The following GNAS variants were observed in gnomAD, a reference collection of about 807,000 sequenced individuals.
GNAS encodes the protein GNAS complex locus.
In GNAS, 8 loss-of-function variants were observed where a neutral mutation model predicts 54.5. That is an observed-to-expected ratio of 0.15 (90% confidence interval 0.09 to 0.26). The LOEUF (loss-of-function observed/expected upper bound fraction) is 0.26. Among genes scored for constraint, GNAS ranks in the 10% least tolerant of loss-of-function variants. The pLI, the probability that GNAS is intolerant of heterozygous loss-of-function variation, is 1.00. For synonymous variants in GNAS, 204 were observed against 191.4 expected (o/e 1.07, Z -0.54); for missense variants, 170 against 529.8 (o/e 0.32, Z 6.67).
chr20:58,855,591 C>A (rs951913326), intron 1 of GNAS: 4 of 717,554 alleles, frequency 5.6e-6, no homozygotes, highest in Admixed American at 2.0e-5. Context: ...AGGGTCGTTT[C>A]CGGCTGGACA....
chr20:58,891,925 GCCGCGCGCGCCGAGCCCGCCCCCCGCC>G, intron 1 of GNAS, 60 bp downstream of exon 1: 6 of 934,354 alleles, frequency 6.4e-6, no homozygotes, highest in Non-Finnish European at 7.6e-6. Context: ...CGCCCCGCAG[GCCGCGCGCGCCGAGCCCGCCCCCCGCC>G]CCGGGCGCGC....
At position 58,891,845 on chromosome 20, in the gene GNAS, C is replaced by A; in HGVS notation, c.119C>A (p.Thr40Lys). 8.1e-7 allele frequency: 1 copy of A among 1,239,156 alleles called. No individual in the cohort carries two copies. The highest frequency in any genetic ancestry group is 1.1e-6 in the Non-Finnish European group (1 of 951,172). 76.8% of individuals were successfully genotyped at this position (1,239,156 alleles called of 1,614,324 possible). Residue 40 changes from threonine (T) to lysine (K), a missense_variant, in exon 1 of 13, where the codon ACG (threonine) becomes AAG (lysine). Around this residue, in one of 3 missense-constraint regions of GNAS, gnomAD observed 56 missense variants for 55.7 expected, o/e 1.01. Transcript: ENST00000371085. ...AAGGACAAGCAGGTCTACCGGGCCA[C>A]GCACCGCCTGCTGCTGCTGGGTAAG... The part of the protein sequence containing the change: ...LQKDKQVYRA[T>K]HRLLLLGAGE...
At chr20:58,840,443 A>G, upstream of GNAS, 1 of 1,613,270 alleles carries the variant, frequency 6.2e-7, no homozygotes, top group Non-Finnish European at 8.5e-7. The surrounding 1 kb of genome is among the most constrained non-coding windows in gnomAD (Gnocchi z 6.0). Flanking sequence ...CGAGACCGAG[A>G]GCGAGACCGA....
intron 1 of GNAS, among the ~76,000 whole-genome samples, chr20:58,894,813 C>T (rs563214459): frequency 5.3e-5 from 8 of 152,248 alleles, no homozygotes; most frequent in Admixed American, 4.6e-4. Flanking sequence ...TTACTTTTTA[C>T]TGTTGTTTTT....
In GNAS at chr20:58,899,493, C is replaced by G. The variant is rs770315181; in HGVS notation, c.257+508C>G. ...CTTGCAGCAGGTCGTTAAGAATCAT[C>G]TCGAAAAGCCTCTGGCCTTTTAAAA... On this transcript the variant is annotated intron_variant, in intron 3 of 12. Coordinates refer to ENST00000371085, the MANE Select transcript of GNAS (RefSeq NM_000516.7). 6 of 541,518 alleles carry G rather than the reference C, an allele frequency of 1.1e-5. No individual in the cohort carries two copies. The East Asian group carries it at 3.0e-4, about 27-fold the overall frequency. The allele number at this position is 541,518 out of a possible 1,614,324, so 33.5% of individuals were successfully genotyped here.
intron 1 of GNAS, among the ~76,000 whole-genome samples, chr20:58,862,978 A>AAAG (rs2086859180): frequency 1.3e-5 from 2 of 151,772 alleles, no homozygotes; most frequent in Non-Finnish European, 2.9e-5. Flanking sequence ...AAAAAAAAAA[A>AAAG]GAAAGAAAGA....
intron 1 of GNAS, chr20:58,855,654 G>A: frequency 1.4e-6 from 1 of 704,570 alleles, no homozygotes. Flanking sequence ...GGTGAGCCAG[G>A]AACTGCCGGG....
intron 1 of GNAS, among the ~76,000 whole-genome samples, chr20:58,852,115 C>T (rs1026515726): frequency 1.3e-5 from 2 of 152,060 alleles, no homozygotes; most frequent in African/African-American, 4.8e-5. Context: ...CTCTTGGTGC[C>T]GCCGCAGCTA....
intron 1 of GNAS, among the ~76,000 whole-genome samples, chr20:58,849,715 G>C (rs1438968567): frequency 6.6e-6 from 1 of 152,160 alleles, no homozygotes; most frequent in Non-Finnish European, 1.5e-5. Context: ...CATAAGAGCT[G>C]CTCCAGGAGG....
In GNAS at chr20:58,909,293, A is replaced by G. The variant is rs2146267368; in HGVS notation, c.586-57A>G. 1 of 1,587,130 alleles carries G rather than the reference A, an allele frequency of 6.3e-7. No individual in the cohort carries two copies. The highest frequency in any genetic ancestry group is 8.7e-7 in the Non-Finnish European group (1 of 1,155,464). On this transcript the variant is annotated intron_variant, in intron 7 of 12. Coordinates refer to ENST00000371085, the MANE Select transcript of GNAS (RefSeq NM_000516.7). The surrounding 1 kb of genome is among the most constrained non-coding windows in gnomAD (Gnocchi z 7.3). Reference sequence around the variant, plus strand: ...CTCCAGACCTTTGCTTTAGATTGGCAATTATTACTGTTTCGGTTGGCTTTG... The same window carrying G: ...CTCCAGACCTTTGCTTTAGATTGGCGATTATTACTGTTTCGGTTGGCTTTG...
In GNAS at chr20:58,907,634, TG is replaced by T. The variant is rs199863056; in HGVS notation, c.531-1524del. On this transcript the variant is annotated intron_variant, in intron 6 of 12. Transcript: ENST00000371085. The stretch of plus-strand genomic sequence containing the variant: ...CTCTCTCAAATCATTTAGAAGTTTT[TG>T]GGGTTTTTTTAAGCAACACTTAATT... 7.4e-3 allele frequency among the ~76,000 whole-genome samples: 1,128 copies of T among 152,356 alleles called. 11 individuals carry two copies. Among genetic ancestry groups the T allele is most frequent in the Middle Eastern group, 0.034 (10 of 294 alleles).
Position 58,853,319 on chromosome 20 carries a change from C to A in GNAS, c.43+12433C>A. The A allele has an allele frequency of 6.5e-7, 1 of 1,549,432 alleles. No homozygotes were observed. Among genetic ancestry groups the A allele is most frequent in the Non-Finnish European group, 8.7e-7 (1 of 1,145,864 alleles). On this transcript the variant is annotated intron_variant, in intron 1 of 12. Transcript: ENST00000306090. This position sits in a 1 kb window ranked among gnomAD's most constrained non-coding sequence, Gnocchi z 4.4. ...ATAATATGTCAGGACAACGCGATAT[C>A]CCCCCTGAAATCGGGGAACAGCCCG...
At position 58,877,804 on chromosome 20, in the gene GNAS, C is replaced by T. The variant is rs1600852284; in HGVS notation, c.44-17808C>T. Among the ~76,000 whole-genome samples the T allele has an allele frequency of 2.6e-5, 4 of 152,358 alleles. No homozygotes were observed. In the South Asian group the frequency reaches 8.3e-4, roughly 32 times the overall value. ...GCTCTGATTGGAGGCATGGGGTCCA[C>T]AGGAGGCACCTATTGTGTTGCCACA... On this transcript the variant is annotated intron_variant, in intron 1 of 12. Coordinates refer to the GNAS transcript ENST00000306090.
chr20:58,900,030 G>C, intron 3 of GNAS: 3 of 712,418 alleles, frequency 4.2e-6, no homozygotes, highest in Non-Finnish European at 7.8e-6. Flanking sequence ...GGAATTGCTC[G>C]GTCTTAGGAA....
upstream of GNAS, chr20:58,839,972 G>T: frequency 1.1e-6 from 1 of 889,638 alleles, no homozygotes; most frequent in Non-Finnish European, 1.8e-6. Flanking sequence ...CTCACAAGGA[G>T]GTGAGGCTGG....
chr20:58,870,910 C>T (rs2087399311), intron 1 of GNAS, among the ~76,000 whole-genome samples: 1 of 152,194 alleles, frequency 6.6e-6, no homozygotes, highest in South Asian at 2.1e-4. Flanking sequence ...GAAATCCCCC[C>T]AGCCTACCCT....
chr20:58,895,801 C>T (rs2089990419), intron 2 of GNAS, 117 bp downstream of exon 2: 2 of 725,974 alleles, frequency 2.8e-6, no homozygotes, highest in South Asian at 1.5e-5. Flanking sequence ...TTAATTTTTC[C>T]TGATTTACAT....
In GNAS at chr20:58,908,324, CT is replaced by C. The variant is rs900647852; in HGVS notation, c.531-831del. ...CTAGTCAAGCAACACAAACAAGATG[CT>C]TTTTTTAATGAAAAGCGTAATATCT... is the stretch of plus-strand genomic sequence containing the variant. On this transcript the variant is annotated intron_variant, in intron 6 of 12. Coordinates refer to ENST00000371085, the MANE Select transcript of GNAS (RefSeq NM_000516.7). Among the ~76,000 whole-genome samples, 49 of 152,044 alleles carry C rather than the reference CT, an allele frequency of 3.2e-4. 1 individual carries two copies.
At chr20:58,846,388 A>G (rs1033132271) in intron 1 of GNAS, among the ~76,000 whole-genome samples, 8 of 152,220 alleles carry the variant, frequency 5.3e-5, no homozygotes, top group African/African-American at 9.6e-5. Context: ...AGGGCTACCA[A>G]TGAGGCTCAC....
Sources: allele counts gnomAD v4.1 joint callset (sites outside exome capture counted in the v4.1 genomes callset), GRCh38; gene constraint gnomAD v4.1.1; regional missense constraint gnomAD v4.1.1; non-coding constraint Gnocchi (gnomAD v3.1); transcripts MANE v1.5; gene names NCBI Gene and HGNC (gene_info 2026-07-23, HGNC 2026-07-21).